KPNA1: variants seen among roughly 807,000 people sequenced by gnomAD.
KPNA1 encodes karyopherin subunit alpha 1.
KPNA1 carries 10 observed loss-of-function variants against 70.5 expected under a neutral mutation model. The observed-to-expected ratio is 0.14, with a 90% CI of 0.09 to 0.24. KPNA1 has a LOEUF of 0.24. Ranked by LOEUF, KPNA1 falls within the 10% of genes least tolerant of loss-of-function variation. KPNA1 has a pLI of 1.00. For missense variants in KPNA1, 397 were observed against 637.9 expected, an observed-to-expected ratio of 0.62 and a Z score of 4.07; for synonymous variants, 192 against 221.9, an observed-to-expected ratio of 0.87 and a Z score of 1.20.
chr3:122,430,486 T>G (rs2075886746), intron 12 of KPNA1, among the ~76,000 whole-genome samples: 1 of 147,802 alleles, frequency 6.8e-6, no homozygotes, highest in South Asian at 2.1e-4. Flanking sequence ...TCAATGACAT[T>G]AAGTGAGGAC....
chr3:122,504,908 ACT>A (rs200090690), intron 1 of KPNA1, among the ~76,000 whole-genome samples: 20 of 149,764 alleles, frequency 1.3e-4, no homozygotes, highest in African/African-American at 7.4e-5. Flanking sequence ...GTTGGGAGAG[ACT>A]CTTTTTTTTT....
rs1244301862 is a variant in KPNA1 at position 122,497,891 on chromosome 3, CAGA to C, written c.-5-1324_-5-1322del. Among the ~76,000 whole-genome samples the C allele has an allele frequency of 2.0e-5, 3 of 152,198 alleles. No individual in the cohort carries two copies. In the East Asian group the frequency reaches 5.8e-4, roughly 29 times the overall value. ...CACTTTCTTGGTGTCCTTTAAAACA[CAGA>C]AGTTTTAATTTTGATGAAGTCCAAA... On this transcript the variant is annotated intron_variant, in intron 1 of 13. Transcript: ENST00000344337.
chr3:122,458,926 TAACA>T (rs1430873069), intron 5 of KPNA1, among the ~76,000 whole-genome samples: 1 of 152,194 alleles, frequency 6.6e-6, no homozygotes, highest in Non-Finnish European at 1.5e-5. Context: ...GGCCCTTAGA[TAACA>T]AACAGTTGGT....
rs141750085 is a variant in KPNA1 at position 122,472,734 on chromosome 3, C to T, written c.130-5305G>A. ...AGGACACAAACTCCTAATATCAGAA[C>T]TCAAAGAAAGAAAATCACTACAAAT... On this transcript the variant is annotated intron_variant, in intron 2 of 13. Transcript: ENST00000344337. Among the ~76,000 whole-genome samples the T allele has an allele frequency of 3.8e-3, 575 of 152,222 alleles. 2 individuals carry two copies. The highest frequency in any genetic ancestry group is 6.2e-3 in the Non-Finnish European group (424 of 68,008).
chr3:122,509,137 T>C (rs2076924941), intron 1 of KPNA1, among the ~76,000 whole-genome samples: 1 of 151,758 alleles, frequency 6.6e-6, no homozygotes, highest in Non-Finnish European at 1.5e-5. Context: ...ACCCAGCTAC[T>C]CGTGAGGCTG....
chr3:122,442,055 C>G lies in KPNA1; in HGVS notation c.979G>C (p.Asp327His). ...CTTCATACCTGTGTCTGAATATCAT[C>G]CCCTGTGACAATGTTTCCCACAGCT... ...LRAVGNIVTG[D>H]DIQTQVILNC... Residue 327 changes from aspartate to histidine, a missense_variant, in exon 10 of 14, where the codon GAT becomes CAT. By Grantham distance (81) the Asp-to-His change is moderately conservative. Coordinates refer to ENST00000344337, the MANE Select transcript of KPNA1 (RefSeq NM_002264.4). 6.2e-7 allele frequency: 1 copy of G among 1,613,358 alleles called. No individual in the cohort carries two copies. The highest frequency in any genetic ancestry group is 8.5e-7 in the Non-Finnish European group (1 of 1,179,342).
At chr3:122,450,894 C>A (rs755743969) in intron 8 of KPNA1, among the ~76,000 whole-genome samples, 9 of 152,164 alleles carry the variant, frequency 5.9e-5, no homozygotes, top group Non-Finnish European at 1.2e-4. Flanking sequence ...TCACTCAGGA[C>A]TGGAAAACCA....
intron 9 of KPNA1, 79 bp from the exon 10 acceptor site, chr3:122,442,195 CA>C: frequency 1.8e-6 from 2 of 1,123,792 alleles, no homozygotes; most frequent in Non-Finnish European, 1.3e-6. Context: ...AATTAAAAAA[CA>C]AAAAAATTGT....
intron 2 of KPNA1, among the ~76,000 whole-genome samples, chr3:122,490,264 G>A (rs1395777407): frequency 1.3e-5 from 2 of 152,230 alleles, no homozygotes; most frequent in Admixed American, 6.5e-5. Context: ...TCAAGGCAGC[G>A]AGGCTGTGGG....
intron 2 of KPNA1, among the ~76,000 whole-genome samples, chr3:122,481,603 G>C (rs771787369): frequency 2.8e-4 from 42 of 152,206 alleles, no homozygotes; most frequent in Non-Finnish European, 5.3e-4. Context: ...ATTGGTTGTG[G>C]TGAAGTACTG....
chr3:122,461,022 A>C (rs2076318046), intron 5 of KPNA1, among the ~76,000 whole-genome samples: 1 of 152,196 alleles, frequency 6.6e-6, no homozygotes, highest in Non-Finnish European at 1.5e-5. Context: ...AATGATTAAA[A>C]ATTATAATAA....
intron 2 of KPNA1, among the ~76,000 whole-genome samples, chr3:122,493,578 A>C (rs2076724510): frequency 6.6e-6 from 1 of 152,200 alleles, no homozygotes; most frequent in Admixed American, 6.5e-5. Flanking sequence ...GCAGCAGAAC[A>C]AGGGCACGGT....
intron 1 of KPNA1, among the ~76,000 whole-genome samples, chr3:122,498,244 C>G (rs2076786043): frequency 6.6e-6 from 1 of 152,162 alleles, no homozygotes; most frequent in Admixed American, 6.6e-5. Context: ...GAAGGTGAAG[C>G]CTTTGAGAGA....
At chr3:122,504,130 T>C (rs1162718375) in intron 1 of KPNA1, among the ~76,000 whole-genome samples, 1 of 152,226 alleles carries the variant, frequency 6.6e-6, no homozygotes, top group Non-Finnish European at 1.5e-5. Context: ...CCAATGTTGG[T>C]TCATCAATTG....
chr3:122,436,270 C>T (rs1169769513), intron 11 of KPNA1, among the ~76,000 whole-genome samples: 2 of 152,154 alleles, frequency 1.3e-5, no homozygotes, highest in African/African-American at 4.8e-5. Flanking sequence ...AAGATGTTAT[C>T]GATGACAATG....
In KPNA1 at chr3:122,424,415, C is replaced by CT. The variant is rs1187170128; in HGVS notation, c.*2569dup. On this transcript the variant is annotated 3_prime_UTR_variant, in exon 14 of 14. Coordinates refer to ENST00000344337, the MANE Select transcript of KPNA1 (RefSeq NM_002264.4). ...GCTTCAGTACCAAGTTCCAACATAT[C>CT]TGAGTTATGCTACTTCACTTTTAGC... is the stretch of plus-strand genomic sequence containing the variant. 3.3e-5 allele frequency: 5 copies of CT among 152,094 alleles called. No individual in the cohort carries two copies. Among genetic ancestry groups the CT allele is most frequent in the South Asian group, 2.1e-4 (1 of 4,822 alleles). The allele number at this position is 152,094 out of a possible 1,614,324, so 9.4% of individuals were successfully genotyped here.
At chr3:122,448,046 T>C (rs528639082) in intron 9 of KPNA1, among the ~76,000 whole-genome samples, 1 of 152,120 alleles carries the variant, frequency 6.6e-6, no homozygotes, top group East Asian at 1.9e-4. Context: ...GAAATGCAAA[T>C]CAAAACCACA....
intron 1 of KPNA1, among the ~76,000 whole-genome samples, chr3:122,510,149 TAAAG>T (rs1044338910): frequency 6.6e-6 from 1 of 152,170 alleles, no homozygotes; most frequent in African/African-American, 2.4e-5. Flanking sequence ...GAAGGAAGAA[TAAAG>T]ATTTTTTTCA....
intron 2 of KPNA1, among the ~76,000 whole-genome samples, chr3:122,477,388 T>C (rs151337386): frequency 2.7e-3 from 413 of 152,270 alleles, no homozygotes; most frequent in African/African-American, 9.7e-3. Flanking sequence ...CAGTATATTG[T>C]ACATTTGAAG....
Sources: gnomAD v4.1 joint callset for allele counts (sites outside exome capture counted in the v4.1 genomes callset) on GRCh38, gnomAD v4.1.1 for gene constraint, MANE v1.5 for transcripts, NCBI Gene and HGNC (gene_info 2026-07-23, HGNC 2026-07-21) for gene names.